Variants in GRM3 observed in about 807,000 individuals in gnomAD.
The protein encoded by GRM3 is glutamate metabotropic receptor 3.
A neutral mutation model predicts 70.5 loss-of-function variants in GRM3; 26 were observed. The observed-to-expected ratio is 0.37, with a 90% CI of 0.27 to 0.51. The LOEUF (loss-of-function observed/expected upper bound fraction) is 0.51, where lower values mean the gene tolerates loss of function less well. Ranked by LOEUF, GRM3 falls within the 20% of genes least tolerant of loss-of-function variation. The pLI, the probability that GRM3 is intolerant of heterozygous loss-of-function variation, is 0.93. For missense variants in GRM3, 859 were observed against 1,123.8 expected, an observed-to-expected ratio of 0.76 and a Z score of 3.37; for synonymous variants, 443 against 434.9, an observed-to-expected ratio of 1.02 and a Z score of -0.23.
At chr7:86,857,199 G>A (rs1370713464) in intron 5 of GRM3, among the ~76,000 whole-genome samples, 9 of 150,940 alleles carry the variant, frequency 6.0e-5, no homozygotes, top group African/African-American at 2.2e-4. Context: ...TGTTCTATCA[G>A]CATGGGTACA....
At chr7:86,814,117 C>G (rs1797967756) in intron 3 of GRM3, among the ~76,000 whole-genome samples, 1 of 151,800 alleles carries the variant, frequency 6.6e-6, no homozygotes, top group Non-Finnish European at 1.5e-5. Flanking sequence ...AAGCCTATGC[C>G]TTAGAGTTAG....
intron 1 of GRM3, among the ~76,000 whole-genome samples, chr7:86,676,030 A>T (rs1794296965): frequency 6.6e-6 from 1 of 151,956 alleles, no homozygotes; most frequent in African/African-American, 2.4e-5. Flanking sequence ...GAAGGAAATG[A>T]TTGTATTCGT....
chr7:86,835,817 G>A (rs918546089), intron 3 of GRM3, among the ~76,000 whole-genome samples: 3 of 151,998 alleles, frequency 2.0e-5, no homozygotes, highest in Admixed American at 2.0e-4. Context: ...TCATCACATT[G>A]CCCAGGCTGG....
At chr7:86,708,617 C>A (rs571772927) in intron 1 of GRM3, among the ~76,000 whole-genome samples, 1 of 152,100 alleles carries the variant, frequency 6.6e-6, no homozygotes, top group South Asian at 2.1e-4. Context: ...ACGAATCCAC[C>A]CCAGAGCTGG....
At chr7:86,815,656 T>G (rs1798001144) in intron 3 of GRM3, among the ~76,000 whole-genome samples, 1 of 151,902 alleles carries the variant, frequency 6.6e-6, no homozygotes, top group South Asian at 2.1e-4. Context: ...CCTTATAGAT[T>G]AAGTGAACAT....
intron 3 of GRM3, among the ~76,000 whole-genome samples, chr7:86,811,574 T>G (rs1046328100): frequency 3.3e-5 from 5 of 151,782 alleles, no homozygotes; most frequent in African/African-American, 1.2e-4. Flanking sequence ...ACTGTGCCCT[T>G]GTTGTAACCT....
intron 2 of GRM3, among the ~76,000 whole-genome samples, chr7:86,780,391 C>A (rs932249904): frequency 1.3e-5 from 2 of 152,146 alleles, no homozygotes; most frequent in African/African-American, 4.8e-5. Flanking sequence ...CAAACATAAT[C>A]ATATCTGGCC....
At chr7:86,653,387 G>C (rs1483860607) in intron 1 of GRM3, among the ~76,000 whole-genome samples, 1 of 152,206 alleles carries the variant, frequency 6.6e-6, no homozygotes, top group Non-Finnish European at 1.5e-5. Context: ...AGAATATCCA[G>C]TGAATTTCTT....
At chr7:86,851,555 G>T (rs979427612) in intron 5 of GRM3, among the ~76,000 whole-genome samples, 1 of 152,108 alleles carries the variant, frequency 6.6e-6, no homozygotes, top group Admixed American at 6.6e-5. Flanking sequence ...TCACAATTTT[G>T]CCTCGAGTTG....
intron 1 of GRM3, among the ~76,000 whole-genome samples, chr7:86,759,807 A>G (rs1796435309): frequency 6.6e-6 from 1 of 152,146 alleles, no homozygotes. Context: ...TGAGCTACTC[A>G]TAATAGCTTC....
chr7:86,780,878 G>C (rs1000342817), intron 2 of GRM3, among the ~76,000 whole-genome samples: 2 of 152,120 alleles, frequency 1.3e-5, no homozygotes, highest in South Asian at 4.1e-4. Context: ...TCAAATAAAG[G>C]AGTTTATGGC....
chr7:86,713,967 G>A (rs1795256834), intron 1 of GRM3, among the ~76,000 whole-genome samples: 3 of 151,878 alleles, frequency 2.0e-5, no homozygotes, highest in Admixed American at 2.0e-4. Flanking sequence ...ATGTGACAGG[G>A]ACACTAAGGC....
Position 86,864,605 on chromosome 7 carries a change from G to T in GRM3, c.*250G>T. On this transcript the variant is annotated 3_prime_UTR_variant, in exon 6 of 6. Coordinates refer to ENST00000361669, the MANE Select transcript of GRM3 (RefSeq NM_000840.3). ...ATTGTTTACAGAGCTGAGCATTGGT[G>T]ACAGGGTCTGACATGGTCAGTCTAC... The T allele has an allele frequency of 7.9e-6, 2 of 252,306 alleles. No homozygotes were observed. The highest frequency in any genetic ancestry group is 6.6e-5 in the Admixed American group (1 of 15,164). 15.6% of individuals were successfully genotyped at this position (252,306 alleles called of 1,614,324 possible).
intron 5 of GRM3, among the ~76,000 whole-genome samples, chr7:86,857,820 G>A (rs984725942): frequency 1.8e-4 from 28 of 152,112 alleles, no homozygotes; most frequent in Non-Finnish European, 1.6e-4. Flanking sequence ...AAGAATGCAG[G>A]ATTGGTAGAA....
intron 1 of GRM3, among the ~76,000 whole-genome samples, chr7:86,752,962 G>A (rs377100281): frequency 1.3e-5 from 2 of 151,998 alleles, no homozygotes; most frequent in Non-Finnish European, 2.9e-5. Flanking sequence ...GTCCTTTTGA[G>A]GAGAAGGAGA....
At chr7:86,650,229 C>T (rs1032982245) in intron 1 of GRM3, among the ~76,000 whole-genome samples, 2 of 152,062 alleles carry the variant, frequency 1.3e-5, no homozygotes, top group Non-Finnish European at 1.5e-5. Flanking sequence ...GATGGAGGCC[C>T]AGCAAGATAA....
chr7:86,829,967 A>G (rs902937855), intron 3 of GRM3, among the ~76,000 whole-genome samples: 1 of 152,232 alleles, frequency 6.6e-6, no homozygotes, highest in Non-Finnish European at 1.5e-5. Context: ...AGTACAATAA[A>G]ATGAGCTATG....
chr7:86,768,079 G>T (rs946644490), intron 2 of GRM3, among the ~76,000 whole-genome samples: 4 of 152,108 alleles, frequency 2.6e-5, no homozygotes, highest in Non-Finnish European at 5.9e-5. Flanking sequence ...AAACAGTGTA[G>T]ATTTTGGCAA....
chr7:86,796,808 C>G (rs1797561037), intron 3 of GRM3, among the ~76,000 whole-genome samples: 1 of 152,198 alleles, frequency 6.6e-6, no homozygotes, highest in African/African-American at 2.4e-5. Context: ...AATTATAGCT[C>G]TATAATTCTC....
Sources: allele counts gnomAD v4.1 joint callset (sites outside exome capture counted in the v4.1 genomes callset), GRCh38; gene constraint gnomAD v4.1.1; transcripts MANE v1.5; gene names NCBI Gene and HGNC (gene_info 2026-07-23, HGNC 2026-07-21).